CNTLN: variants seen among roughly 807,000 people sequenced by gnomAD.
CNTLN encodes the protein centlein.
Under a neutral mutation model 180.0 loss-of-function variants are expected in CNTLN, and 212 were observed. The observed-to-expected ratio is 1.18, with a 90% CI of 1.05 to 1.32. CNTLN has a LOEUF of 1.32. Among genes scored for constraint, CNTLN ranks in the 40% most tolerant of loss-of-function variants. CNTLN has a pLI of 0.00. For synonymous variants in CNTLN, 722 were observed against 563.1 expected (o/e 1.28, Z -3.99); for missense variants, 2,095 against 1,610.9 (o/e 1.30, Z -5.14).
chr9:17,469,254 G>A (rs1046316363), intron 23 of CNTLN, among the ~76,000 whole-genome samples: 1 of 151,718 alleles, frequency 6.6e-6, no homozygotes, highest in Non-Finnish European at 1.5e-5. Flanking sequence ...ATACATATCA[G>A]TTTGACATTT....
chr9:17,274,120 G>A (rs1828132919), intron 6 of CNTLN, among the ~76,000 whole-genome samples: 1 of 151,994 alleles, frequency 6.6e-6, no homozygotes, highest in Admixed American at 6.6e-5. Context: ...ATATTGCAAT[G>A]CTTTCATTCA....
chr9:17,150,983 C>T (rs188908929), intron 2 of CNTLN, among the ~76,000 whole-genome samples: 42 of 152,168 alleles, frequency 2.8e-4, no homozygotes, highest in Middle Eastern at 3.4e-3. Flanking sequence ...TTGTGATTTT[C>T]GCACATTGAT....
Position 17,483,942 on chromosome 9 carries a change from G to A in CNTLN, c.3856-353G>A, listed in dbSNP as rs973947310. Among the ~76,000 whole-genome samples, 4 of 152,272 alleles carry A rather than the reference G, an allele frequency of 2.6e-5. No individual in the cohort carries two copies. In the East Asian group the frequency reaches 7.7e-4, roughly 29 times the overall value. On this transcript the variant is annotated intron_variant, in intron 23 of 25. Transcript: ENST00000380647. ...TTACAAATAATATATGCACATTGTG[G>A]AATAATGAGAACCTGACTCTTAGTG... is the stretch of plus-strand genomic sequence containing the variant.
At chr9:17,225,414 C>T (rs904962138) in intron 2 of CNTLN, among the ~76,000 whole-genome samples, 1 of 151,996 alleles carries the variant, frequency 6.6e-6, no homozygotes, top group African/African-American at 2.4e-5. Context: ...TTGTGATTCT[C>T]ACAGATATAG....
intron 13 of CNTLN, among the ~76,000 whole-genome samples, chr9:17,368,172 C>T (rs1823993534): frequency 6.6e-6 from 1 of 152,106 alleles, no homozygotes; most frequent in South Asian, 2.1e-4. Flanking sequence ...GACTGAAGAG[C>T]CCTTGGGCTT....
At chr9:17,519,788 G>C in the CNTLN span, among the ~76,000 whole-genome samples, 1 of 152,190 alleles carries the variant, frequency 6.6e-6, no homozygotes, top group Non-Finnish European at 1.5e-5. Context: ...GGATGAGAAG[G>C]TCAAACAGTT....
At chr9:17,163,216 C>A in intron 2 of CNTLN, among the ~76,000 whole-genome samples, 1 of 152,292 alleles carries the variant, frequency 6.6e-6, no homozygotes, top group African/African-American at 2.4e-5. Flanking sequence ...TACCCCCCAG[C>A]TGGGTCCCTC....
intron 6 of CNTLN, among the ~76,000 whole-genome samples, chr9:17,282,026 G>A (rs1294070985): frequency 2.0e-5 from 3 of 152,060 alleles, no homozygotes; most frequent in South Asian, 4.1e-4. Context: ...GCAGTGGAGC[G>A]ATCTCGGCTC....
At chr9:17,343,784 C>A (rs1441376874) in intron 12 of CNTLN, among the ~76,000 whole-genome samples, 1 of 152,042 alleles carries the variant, frequency 6.6e-6, no homozygotes, top group Non-Finnish European at 1.5e-5. Context: ...AGTTTTATCA[C>A]CCCCCGCTAC....
At chr9:17,295,703 TG>T (rs1265088065) in intron 6 of CNTLN, among the ~76,000 whole-genome samples, 3 of 152,178 alleles carry the variant, frequency 2.0e-5, no homozygotes, top group Non-Finnish European at 4.4e-5. Flanking sequence ...TGCTTTCCGC[TG>T]GTTCAGATGT....
chr9:17,443,499 AG>A (rs765502338), intron 18 of CNTLN, among the ~76,000 whole-genome samples: 90 of 152,296 alleles, frequency 5.9e-4, no homozygotes, highest in Non-Finnish European at 1.1e-3. Context: ...ATGGTTGAGG[AG>A]TCTATATGTG....
intron 12 of CNTLN, among the ~76,000 whole-genome samples, chr9:17,350,039 C>T (rs1488396005): frequency 6.6e-6 from 1 of 152,180 alleles, no homozygotes; most frequent in Admixed American, 6.5e-5. Context: ...AAGTTGTTGC[C>T]TTACCAATGC....
intron 2 of CNTLN, among the ~76,000 whole-genome samples, chr9:17,190,085 G>C (rs1821700406): frequency 6.6e-6 from 1 of 150,486 alleles, no homozygotes; most frequent in Admixed American, 6.6e-5. Flanking sequence ...GTCTGTGTCT[G>C]CACAACTTAA....
At chr9:17,516,937 G>C in the CNTLN span, among the ~76,000 whole-genome samples, 1 of 152,126 alleles carries the variant, frequency 6.6e-6, no homozygotes, top group African/African-American at 2.4e-5. Context: ...TTGAGGAAAG[G>C]AATCTTTCTA....
At chr9:17,461,778 A>C (rs1454421177) in intron 19 of CNTLN, among the ~76,000 whole-genome samples, 1 of 151,608 alleles carries the variant, frequency 6.6e-6, no homozygotes, top group Non-Finnish European at 1.5e-5. Context: ...TAATACCTTT[A>C]AAACTTAACA....
chr9:17,376,861 G>A (rs1382956576), intron 13 of CNTLN, among the ~76,000 whole-genome samples: 1 of 152,042 alleles, frequency 6.6e-6, no homozygotes, highest in African/African-American at 2.4e-5. Flanking sequence ...TATTTATTTG[G>A]AGCCAACTAA....
At chr9:17,202,850 T>G (rs1293333821) in intron 2 of CNTLN, among the ~76,000 whole-genome samples, 1 of 152,034 alleles carries the variant, frequency 6.6e-6, no homozygotes, top group African/African-American at 2.4e-5. Context: ...AGGTTAATAT[T>G]TTTTTGTGTG....
chr9:17,166,170 G>A (rs760420344), intron 2 of CNTLN, among the ~76,000 whole-genome samples: 2 of 152,028 alleles, frequency 1.3e-5, no homozygotes, highest in Non-Finnish European at 2.9e-5. Context: ...AGACATGTAA[G>A]GGAAAATTTG....
At chr9:17,441,191 C>T (rs548192856) in intron 18 of CNTLN, among the ~76,000 whole-genome samples, 1 of 152,198 alleles carries the variant, frequency 6.6e-6, no homozygotes, top group South Asian at 2.1e-4. Context: ...ACCACTAGAC[C>T]TTTCTTAGAA....
Sources: allele counts gnomAD v4.1 joint callset (sites outside exome capture counted in the v4.1 genomes callset), GRCh38; gene constraint gnomAD v4.1.1; transcripts MANE v1.5; gene names NCBI Gene and HGNC (gene_info 2026-07-23, HGNC 2026-07-21).